Variants in CLEC5A observed in about 807,000 individuals in gnomAD.
CLEC5A encodes the protein C-type lectin domain family 5 member A.
A neutral mutation model predicts 24.4 loss-of-function variants in CLEC5A; 15 were observed. The ratio of observed to expected loss-of-function variants is 0.62; its 90% confidence interval spans 0.41 to 0.95. The LOEUF (loss-of-function observed/expected upper bound fraction) is 0.95. CLEC5A is among the 40% of genes least tolerant of loss of function. The probability of loss-of-function intolerance (pLI) is 0.00; values close to 1 mark genes in which losing one functional copy is unlikely to be tolerated. For missense variants in CLEC5A, 211 were observed against 224.0 expected, an observed-to-expected ratio of 0.94 and a Z score of 0.37; for synonymous variants, 71 against 72.6, an observed-to-expected ratio of 0.98 and a Z score of 0.11.
At chr7:141,931,404 A>G (rs973883427) in intron 6 of CLEC5A, 19 of 423,742 alleles carry the variant, frequency 4.5e-5, no homozygotes, top group Non-Finnish European at 7.1e-5. Context: ...GCTCAGTGCT[A>G]TGGAAACTAG....
At chr7:141,933,174 A>G (rs1802513454) in intron 5 of CLEC5A, among the ~76,000 whole-genome samples, 1 of 152,190 alleles carries the variant, frequency 6.6e-6, no homozygotes, top group African/African-American at 2.4e-5. Flanking sequence ...GTACTAGGAA[A>G]TTATATACTG....
chr7:141,936,888 T>G (rs2128961280), intron 4 of CLEC5A, among the ~76,000 whole-genome samples: 1 of 151,644 alleles, frequency 6.6e-6, no homozygotes. Flanking sequence ...CTAGTCAGAG[T>G]CGTGAGGTCC....
At chr7:141,933,877 C>T (rs782504550) in intron 5 of CLEC5A, among the ~76,000 whole-genome samples, 2 of 151,978 alleles carry the variant, frequency 1.3e-5, no homozygotes, top group Admixed American at 6.6e-5. Flanking sequence ...TGACCCTGAA[C>T]GCTAAGGGAG....
intron 5 of CLEC5A, among the ~76,000 whole-genome samples, chr7:141,933,575 CATATATATATATATATATATATAT>C (rs3043785): frequency 0.011 from 1,321 of 115,036 alleles, 81 homozygotes; most frequent in African/African-American, 0.049. Flanking sequence ...AGGGAGCAGG[CATATATATATATATATATATATAT>C]ATATATATAT....
chr7:141,937,973 G>T (rs986705084), intron 4 of CLEC5A, among the ~76,000 whole-genome samples: 1 of 152,326 alleles, frequency 6.6e-6, no homozygotes, highest in East Asian at 1.9e-4. Context: ...TACTGGGCTT[G>T]GGATGTCCCC....
At chr7:141,945,231 C>A (rs782339571) in intron 3 of CLEC5A, 110 bp downstream of exon 3, 2 of 830,106 alleles carry the variant, frequency 2.4e-6, no homozygotes, top group South Asian at 1.3e-5. Context: ...CTTTATGGAC[C>A]CTTTGTACAA....
chr7:141,931,945 C>G, intron 5 of CLEC5A, 119 bp from the exon 6 acceptor site: 1 of 566,120 alleles, frequency 1.8e-6, no homozygotes. Context: ...ACTCTGGGAC[C>G]AGCTATAGCT....
chr7:141,945,225 A>G (rs1554442007), intron 3 of CLEC5A, 116 bp downstream of exon 3: 46 of 814,696 alleles, frequency 5.6e-5, no homozygotes, highest in Non-Finnish European at 8.8e-6. Context: ...GAAGATCTTT[A>G]TGGACCCTTT....
At chr7:141,943,858 C>T in intron 4 of CLEC5A, 38 bp downstream of exon 4, 1 of 1,344,284 alleles carries the variant, frequency 7.4e-7, no homozygotes, top group South Asian at 1.2e-5. Context: ...GCATGAGAAC[C>T]TAGGGGATGG....
chr7:141,938,656 T>A (rs558149006), intron 4 of CLEC5A, among the ~76,000 whole-genome samples: 1 of 152,264 alleles, frequency 6.6e-6, no homozygotes, highest in East Asian at 1.9e-4. Flanking sequence ...ACCAAGTAGA[T>A]TTAAGCCAAA....
At chr7:141,942,060 C>G (rs1802811365) in intron 4 of CLEC5A, among the ~76,000 whole-genome samples, 1 of 151,998 alleles carries the variant, frequency 6.6e-6, no homozygotes. Flanking sequence ...ACATTATTCA[C>G]AGAAACAGAA....
intron 5 of CLEC5A, among the ~76,000 whole-genome samples, chr7:141,934,486 G>T (rs1802555728): frequency 6.6e-6 from 1 of 152,098 alleles, no homozygotes; most frequent in African/African-American, 2.4e-5. Flanking sequence ...TAGTGAGTTT[G>T]TGGGCCTCTT....
chr7:141,928,140 C>T lies in CLEC5A; in HGVS notation c.*1964G>A, dbSNP rs1341868774. ...AGCTTGCAAGGATCCAGGAACTCTT[C>T]CAATGATGAACTTAAACCAAATCCC... On this transcript the variant is annotated 3_prime_UTR_variant, in exon 7 of 7. Transcript: ENST00000546910. 5.3e-5 allele frequency: 8 copies of T among 152,064 alleles called. No homozygotes were observed. The highest frequency in any genetic ancestry group is 1.7e-4 in the African/African-American group (7 of 41,354). The allele number at this position is 152,064 out of a possible 1,614,324, so 9.4% of individuals were successfully genotyped here.
chr7:141,938,186 G>C (rs1802686191), intron 4 of CLEC5A, among the ~76,000 whole-genome samples: 1 of 152,154 alleles, frequency 6.6e-6, no homozygotes, highest in South Asian at 2.1e-4. Context: ...TAAGGCACCA[G>C]GGACCAATCC....
intron 4 of CLEC5A, among the ~76,000 whole-genome samples, chr7:141,943,300 T>G (rs371449807): frequency 2.0e-5 from 3 of 152,120 alleles, no homozygotes; most frequent in African/African-American, 7.2e-5. Flanking sequence ...GGTCATTATG[T>G]TACATGAAAT....
At chr7:141,938,957 C>T (rs1554441382) in intron 4 of CLEC5A, among the ~76,000 whole-genome samples, 1 of 152,054 alleles carries the variant, frequency 6.6e-6, no homozygotes, top group African/African-American at 2.4e-5. Context: ...AAGACTTTCC[C>T]AGACAAATAA....
At chr7:141,931,686 A>C (rs1304259849) in intron 6 of CLEC5A, 34 bp downstream of exon 6, 2 of 1,202,886 alleles carry the variant, frequency 1.7e-6, no homozygotes, top group East Asian at 4.6e-5. Flanking sequence ...GAAGCAAACC[A>C]AGATCCCCAG....
intron 5 of CLEC5A, among the ~76,000 whole-genome samples, chr7:141,935,434 G>T (rs1192966563): frequency 3.3e-5 from 5 of 152,146 alleles, no homozygotes; most frequent in African/African-American, 1.2e-4. Flanking sequence ...TGCAGACTGG[G>T]ATGGTACATT....
chr7:141,942,825 G>A (rs1802838059), intron 4 of CLEC5A, among the ~76,000 whole-genome samples: 1 of 152,004 alleles, frequency 6.6e-6, no homozygotes, highest in Non-Finnish European at 1.5e-5. Flanking sequence ...AATATAAAAA[G>A]GTGCTCAACA....
Sources: allele counts gnomAD v4.1 joint callset (sites outside exome capture counted in the v4.1 genomes callset), GRCh38; gene constraint gnomAD v4.1.1; transcripts MANE v1.5; gene names NCBI Gene and HGNC (gene_info 2026-07-23, HGNC 2026-07-21).